UTRN: variants seen among roughly 807,000 people sequenced by gnomAD.
UTRN encodes the protein utrophin, also known as dystrophin-related protein 1.
In UTRN, 283 loss-of-function variants were observed where a neutral mutation model predicts 463.9. That is an observed-to-expected ratio of 0.61 (90% CI 0.55 to 0.67). The LOEUF (loss-of-function observed/expected upper bound fraction) is 0.67. Ranked by LOEUF, UTRN falls within the 30% of genes least tolerant of loss-of-function variation. The pLI, the probability that UTRN is intolerant of heterozygous loss-of-function variation, is 0.00. For missense variants in UTRN, 3,922 were observed against 4,084.3 expected (o/e 0.96, Z 1.08); for synonymous variants, 1,442 against 1,431.5 (o/e 1.01, Z -0.17).
chr6:144,669,924 T>G (rs972409106), intron 51 of UTRN, among the ~76,000 whole-genome samples: 1 of 151,868 alleles, frequency 6.6e-6, no homozygotes, highest in South Asian at 2.1e-4. Context: ...TTTCATTCCT[T>G]TTTATGCCTG....
chr6:144,673,341 T>G (rs1015750189), intron 51 of UTRN, among the ~76,000 whole-genome samples: 1 of 152,102 alleles, frequency 6.6e-6, no homozygotes, highest in Non-Finnish European at 1.5e-5. Flanking sequence ...AATTATTTTA[T>G]AAATTTGGGA....
chr6:144,729,980 A>G (rs757864565), intron 53 of UTRN, among the ~76,000 whole-genome samples: 2 of 152,144 alleles, frequency 1.3e-5, no homozygotes, highest in Non-Finnish European at 2.9e-5. Context: ...CATTGGATGT[A>G]ATTTTTTTGT....
chr6:144,776,907 C>T (rs1775374240), intron 60 of UTRN, among the ~76,000 whole-genome samples: 1 of 152,174 alleles, frequency 6.6e-6, no homozygotes, highest in African/African-American at 2.4e-5. Flanking sequence ...CTGTAGGTCT[C>T]AATGTTGTCG....
chr6:144,675,982 A>T (rs571610323), intron 51 of UTRN, among the ~76,000 whole-genome samples: 37 of 152,274 alleles, frequency 2.4e-4, no homozygotes, highest in Admixed American at 4.6e-4. Context: ...AACCAATTTT[A>T]AAAAAATTTA....
intron 54 of UTRN, 48 bp downstream of exon 54, chr6:144,730,534 C>CA (rs1562829993): frequency 2.7e-6 from 4 of 1,476,378 alleles, no homozygotes; most frequent in Admixed American, 2.4e-5. Context: ...GCTAGGAGAA[C>CA]AAAAAACCCA....
At chr6:144,799,838 C>T (rs1441291573) in intron 64 of UTRN, among the ~76,000 whole-genome samples, 3 of 152,192 alleles carry the variant, frequency 2.0e-5, no homozygotes, top group Admixed American at 6.5e-5. Context: ...GATTCAAATC[C>T]AGAACCCTTT....
At chr6:144,308,702 G>A (rs539940661) in intron 2 of UTRN, among the ~76,000 whole-genome samples, 5 of 152,160 alleles carry the variant, frequency 3.3e-5, no homozygotes, top group Non-Finnish European at 5.9e-5. Flanking sequence ...CACCCTAACC[G>A]TGTACATTGT....
At chr6:144,452,984 G>T (rs1788482643) in intron 18 of UTRN, among the ~76,000 whole-genome samples, 1 of 151,292 alleles carries the variant, frequency 6.6e-6, no homozygotes, top group Non-Finnish European at 1.5e-5. Context: ...TTTGGTTTGG[G>T]TTCTAAAGCA....
intron 46 of UTRN, among the ~76,000 whole-genome samples, chr6:144,543,183 T>G (rs1023065003): frequency 6.6e-6 from 1 of 152,168 alleles, no homozygotes; most frequent in Non-Finnish European, 1.5e-5. Context: ...ACTAGTTTTC[T>G]GGGTCCAGGC....
chr6:144,286,005 G>C lies in UTRN; in HGVS notation c.-93+184G>C, dbSNP rs148362317. Among the ~76,000 whole-genome samples the C allele has an allele frequency of 1.2e-3, 178 of 152,324 alleles. No individual in the cohort carries two copies. The East Asian group carries it at 0.03, about 25-fold the overall frequency. ...TAACTTTTGCGTGCCCTTTCCTCGG[G>C]GCCTCAGTTTAGCTCCCCGCGGTGC... On this transcript the variant is annotated intron_variant, in intron 1 of 74. Transcript: ENST00000367545. This position sits in a 1 kb window ranked among gnomAD's most constrained non-coding sequence, Gnocchi z 4.4.
intron 34 of UTRN, among the ~76,000 whole-genome samples, chr6:144,504,030 G>T (rs1472137744): frequency 6.6e-6 from 1 of 152,096 alleles, no homozygotes; most frequent in Non-Finnish European, 1.5e-5. Flanking sequence ...GTTCACTCAT[G>T]ATTTGGCTCT....
chr6:144,824,552 A>ATTG (rs1779915199), intron 66 of UTRN, among the ~76,000 whole-genome samples: 1 of 125,756 alleles, frequency 8.0e-6, no homozygotes, highest in East Asian at 2.4e-4. Flanking sequence ...ATATGTATAT[A>ATTG]TATTAATATA....
intron 52 of UTRN, among the ~76,000 whole-genome samples, chr6:144,690,909 C>T (rs1316732210): frequency 6.6e-6 from 1 of 152,156 alleles, no homozygotes; most frequent in Non-Finnish European, 1.5e-5. Context: ...CTGCAGCCTG[C>T]TGCTTCTTTC....
intron 51 of UTRN, among the ~76,000 whole-genome samples, chr6:144,617,437 G>C (rs943325578): frequency 2.6e-5 from 4 of 152,104 alleles, no homozygotes; most frequent in Non-Finnish European, 5.9e-5. Flanking sequence ...TGGTATCCAG[G>C]TTTGCGTTTG....
chr6:144,406,578 G>A (rs1008275938), intron 3 of UTRN, among the ~76,000 whole-genome samples: 4 of 151,996 alleles, frequency 2.6e-5, no homozygotes, highest in Non-Finnish European at 5.9e-5. Flanking sequence ...TGTTGGCTAG[G>A]CTGGTTTCAA....
intron 41 of UTRN, among the ~76,000 whole-genome samples, chr6:144,524,482 C>A (rs2128597644): frequency 6.6e-6 from 1 of 151,590 alleles, no homozygotes; most frequent in South Asian, 2.1e-4. Flanking sequence ...TAGATTACAT[C>A]TCAATTTTAT....
At chr6:144,554,438 TA>T (rs138851968) in intron 48 of UTRN, among the ~76,000 whole-genome samples, 1,871 of 152,312 alleles carry the variant, frequency 0.012, 43 homozygotes, top group African/African-American at 0.042. Context: ...TAATAGTAGA[TA>T]TTTTTTTGGG....
intron 2 of UTRN, among the ~76,000 whole-genome samples, chr6:144,367,030 C>T (rs1258558413): frequency 6.6e-6 from 1 of 152,208 alleles, no homozygotes; most frequent in East Asian, 1.9e-4. Context: ...GTCATCCAGA[C>T]TGGAGTGCAG....
At chr6:144,409,919 G>A (rs866727207) in intron 3 of UTRN, among the ~76,000 whole-genome samples, 3 of 152,166 alleles carry the variant, frequency 2.0e-5, no homozygotes, top group Admixed American at 6.5e-5. Flanking sequence ...GGCTAAAGAC[G>A]TCAAAGTCTG....
Sources: gnomAD v4.1 joint callset for allele counts (sites outside exome capture counted in the v4.1 genomes callset) on GRCh38, gnomAD v4.1.1 for gene constraint, Gnocchi (gnomAD v3.1) non-coding constraint, MANE v1.5 for transcripts, NCBI Gene and HGNC (gene_info 2026-07-23, HGNC 2026-07-21) for gene names.